The following KLHL22 variants were observed in gnomAD, a reference collection of about 807,000 sequenced individuals.
KLHL22 encodes the protein kelch like family member 22.
In KLHL22, 18 loss-of-function variants were observed where a neutral mutation model predicts 60.7. That is an observed-to-expected ratio of 0.30 (90% CI 0.20 to 0.44). The LOEUF (loss-of-function observed/expected upper bound fraction) is 0.44, where lower values mean the gene tolerates loss of function less well. Ranked by LOEUF, KLHL22 falls within the 20% of genes least tolerant of loss-of-function variation. KLHL22 has a pLI of 1.00. For synonymous variants in KLHL22, 355 were observed against 354.5 expected, an observed-to-expected ratio of 1.00 and a Z score of -0.01; for missense variants, 596 against 852.3, an observed-to-expected ratio of 0.70 and a Z score of 3.74.
At chr22:20,462,804 AAAG>A (rs1333730497) in intron 4 of KLHL22, among the ~76,000 whole-genome samples, 1 of 152,176 alleles carries the variant, frequency 6.6e-6, no homozygotes, top group African/African-American at 2.4e-5. Context: ...AGATGCAAAG[AAAG>A]AAGGAATGAA....
intron 2 of KLHL22, chr22:20,488,782 C>A: frequency 3.4e-6 from 2 of 589,292 alleles, no homozygotes; most frequent in Non-Finnish European, 3.0e-6. Context: ...GGAGGCAAAG[C>A]CCAAGAAACA....
chr22:20,489,145 C>T lies in KLHL22; in HGVS notation c.67G>A (p.Val23Met), dbSNP rs1189055131. 1.9e-6 allele frequency: 3 copies of T among 1,614,080 alleles called. No individual in the cohort carries two copies. Among genetic ancestry groups the T allele is most frequent in the East Asian group, 2.2e-5 (1 of 44,882 alleles). Residue 23 changes from valine (V) to methionine (M), a missense_variant, in exon 2 of 7, where the codon GTG becomes ATG. Val to Met is a conservative substitution (Grantham distance 21, BLOSUM62 1). Coordinates refer to ENST00000328879, the MANE Select transcript of KLHL22 (RefSeq NM_032775.4). ...LPAQPSHPHC[V>M]NNTYRSAQHS... ...TGTGCGCTGCGGTAGGTGTTGTTCACGCAGTGTGGGTGTGAGGGCTGTGCA... is the reference window on the plus strand; with the variant it reads ...TGTGCGCTGCGGTAGGTGTTGTTCATGCAGTGTGGGTGTGAGGGCTGTGCA...
chr22:20,494,084 C>CCCCCA (rs397808627), intron 1 of KLHL22, among the ~76,000 whole-genome samples: 1 of 91,208 alleles, frequency 1.1e-5, no homozygotes, highest in Non-Finnish European at 2.4e-5. Context: ...GCCCCCCCCC[C>CCCCCA]AAAAAAAAAA....
chr22:20,462,144 G>A (rs165681), intron 4 of KLHL22, among the ~76,000 whole-genome samples: 96,327 of 151,070 alleles, frequency 0.64, 30,934 homozygotes, highest in Admixed American at 0.75. Context: ...GGGCGTGGTG[G>A]TCGGCGCCTG....
chr22:20,451,240 A>C, intron 5 of KLHL22: 1 of 1,603,254 alleles, frequency 6.2e-7, no homozygotes, highest in Non-Finnish European at 8.5e-7. Context: ...TGCTGGAGCC[A>C]CCACCCTGGG....
intron 6 of KLHL22, 121 bp downstream of exon 6, chr22:20,446,322 A>G: frequency 1.4e-6 from 1 of 706,746 alleles, no homozygotes; most frequent in Non-Finnish European, 2.5e-6. Context: ...CTGTGAACCT[A>G]AAACTGCTCT....
At chr22:20,471,602 C>T in intron 2 of KLHL22, 87 bp from the exon 3 acceptor site, 4 of 1,449,436 alleles carry the variant, frequency 2.8e-6, no homozygotes, top group Non-Finnish European at 2.8e-6. Flanking sequence ...CAGAGAAGAA[C>T]CTGGCGCTGG....
At chr22:20,470,077 A>G (rs1456636501) in intron 3 of KLHL22, among the ~76,000 whole-genome samples, 1 of 152,086 alleles carries the variant, frequency 6.6e-6, no homozygotes, top group African/African-American at 2.4e-5. Flanking sequence ...AGAGGCTCAC[A>G]CCTGTAATCC....
chr22:20,450,696 A>T, intron 5 of KLHL22: 1 of 1,454,592 alleles, frequency 6.9e-7, no homozygotes, highest in East Asian at 2.3e-5. Flanking sequence ...TGGATCCTGA[A>T]GAACCAGTCT....
At chr22:20,470,671 G>T (rs906217142) in intron 3 of KLHL22, among the ~76,000 whole-genome samples, 12 of 149,650 alleles carry the variant, frequency 8.0e-5, no homozygotes, top group Admixed American at 3.3e-4. Context: ...TGAGTGGATG[G>T]ATGGATGGGT....
chr22:20,457,959 A>T lies in KLHL22; in HGVS notation c.1154T>A (p.Leu385Gln). ...GGACAGGTCGGCGTGCTCCTGCTGC[A>T]GGGACTGGATCTGGAACCAGCGGTT... ...RHNRWFQIQS[L>Q]QQEHADLSVC... Residue 385 changes from leucine to glutamine, a missense_variant, in exon 5 of 7, where the codon CTG (leucine) becomes CAG (glutamine). Physicochemically the swap from Leu to Gln is moderately radical, Grantham distance 113 (BLOSUM62 -2). Coordinates refer to ENST00000328879, the MANE Select transcript of KLHL22 (RefSeq NM_032775.4). The T allele has an allele frequency of 1.9e-6, 3 of 1,614,184 alleles. No homozygotes were observed. The highest frequency in any genetic ancestry group is 2.5e-6 in the Non-Finnish European group (3 of 1,180,036).
chr22:20,446,533 G>T lies in KLHL22; in HGVS notation c.1449C>A (p.Arg483=), dbSNP rs368031253. 1 of 1,613,610 alleles carries T rather than the reference G, an allele frequency of 6.2e-7. No homozygotes were observed. The highest frequency in any genetic ancestry group is 2.2e-5 in the East Asian group (1 of 44,884). ...GGAGGGTTGCCATGCCGTGCCAGGC[G>T]CGCCGCACAGGCCCATCAGCCAGTG... The part of the protein sequence containing the change: ...WHTLADGPVR[R]AWHGMATLLN... The change falls in exon 6 of 7, where the codon CGC becomes CGA. Residue 483 remains arginine (R), a synonymous_variant. Coordinates refer to ENST00000328879, the MANE Select transcript of KLHL22 (RefSeq NM_032775.4).
At chr22:20,489,833 C>G (rs1281811768) in intron 1 of KLHL22, 1 of 470,584 alleles carries the variant, frequency 2.1e-6, no homozygotes, top group Non-Finnish European at 4.4e-6. Flanking sequence ...GGTGGCATTT[C>G]CAGGGCCTAC....
At chr22:20,446,264 T>TG (rs1393230596) in intron 6 of KLHL22, among the ~76,000 whole-genome samples, 179 bp downstream of exon 6, 1 of 152,074 alleles carries the variant, frequency 6.6e-6, no homozygotes, top group Non-Finnish European at 1.5e-5. Context: ...TATATGTGTA[T>TG]GGGGGGAAAA....
chr22:20,460,718 G>A (rs2053141397), intron 4 of KLHL22, among the ~76,000 whole-genome samples: 1 of 147,908 alleles, frequency 6.8e-6, no homozygotes, highest in African/African-American at 2.5e-5. Flanking sequence ...TTATTTCCCT[G>A]TTGTGTCCTG....
At chr22:20,476,865 C>T (rs1255266821) in intron 2 of KLHL22, among the ~76,000 whole-genome samples, 4 of 151,490 alleles carry the variant, frequency 2.6e-5, no homozygotes, top group Non-Finnish European at 2.9e-5. Flanking sequence ...TGTGCCACCA[C>T]GCCTGGCTAT....
chr22:20,442,045 C>T lies in KLHL22; in HGVS notation c.*28G>A. 1.3e-6 allele frequency: 2 copies of T among 1,491,124 alleles called. No individual in the cohort carries two copies. The highest frequency in any genetic ancestry group is 1.8e-6 in the Non-Finnish European group (2 of 1,120,082). 92.4% of individuals were successfully genotyped at this position (1,491,124 alleles called of 1,614,324 possible). A position where few individuals can be genotyped will look rare whatever the true frequency, so the allele number is the denominator to read the frequency against. On this transcript the variant is annotated 3_prime_UTR_variant, in exon 7 of 7. Coordinates refer to ENST00000328879, the MANE Select transcript of KLHL22 (RefSeq NM_032775.4). ...TCACTGCCCTGCAGCCCCAGCCTCC[C>T]TTCCCTCTGATGCCAGGCACAGGGA...
intron 5 of KLHL22, chr22:20,451,114 G>A (rs1416453416): frequency 2.1e-5 from 31 of 1,494,340 alleles, no homozygotes; most frequent in East Asian, 1.6e-4. Context: ...CCAGATCTAC[G>A]TCATTGGTGG....
chr22:20,456,339 C>T lies in KLHL22; in HGVS notation c.1305+1469G>A, dbSNP rs558314895. ...TCTTGTCACCACTGGATTCCCAGGA[C>T]TTGGTACATGGTGCTTAGTAGTTGC... is the stretch of plus-strand genomic sequence containing the variant. On this transcript the variant is annotated intron_variant, in intron 5 of 6. Transcript: ENST00000328879. The T allele has an allele frequency of 3.9e-5, 6 of 152,352 alleles. No homozygotes were observed. The South Asian group carries it at 1.2e-3, about 32-fold the overall frequency. 9.4% of individuals were successfully genotyped at this position (152,352 alleles called of 1,614,324 possible).
Sources: allele counts gnomAD v4.1 joint callset (sites outside exome capture counted in the v4.1 genomes callset), GRCh38; gene constraint gnomAD v4.1.1; transcripts MANE v1.5; gene names NCBI Gene and HGNC (gene_info 2026-07-23, HGNC 2026-07-21).